ADK: variants seen among roughly 807,000 people sequenced by gnomAD.
The protein encoded by ADK is N6,N6-dimethyladenosine kinase.
Under a neutral mutation model 44.7 loss-of-function variants are expected in ADK, and 24 were observed. The ratio of observed to expected loss-of-function variants is 0.54; its 90% CI spans 0.39 to 0.76. ADK has a LOEUF of 0.76. Among genes scored for constraint, ADK ranks in the 30% least tolerant of loss-of-function variants. The pLI, the probability that ADK is intolerant of heterozygous loss-of-function variation, is 0.00. For missense variants in ADK, 321 were observed against 425.1 expected (o/e 0.76, Z 2.15); for synonymous variants, 128 against 142.6 (o/e 0.90, Z 0.73).
chr10:74,624,464 C>T (rs1172456389), intron 9 of ADK, among the ~76,000 whole-genome samples: 2 of 152,044 alleles, frequency 1.3e-5, no homozygotes, highest in African/African-American at 2.4e-5. Context: ...TAATTTGGCA[C>T]TTAGCCATCT....
At chr10:74,311,499 A>C (rs1840431006) in intron 3 of ADK, among the ~76,000 whole-genome samples, 1 of 152,236 alleles carries the variant, frequency 6.6e-6, no homozygotes, top group African/African-American at 2.4e-5. Flanking sequence ...ATATTATGCT[A>C]GAGCTTGTAG....
chr10:74,254,239 CTCT>C (rs1407949613), intron 3 of ADK, among the ~76,000 whole-genome samples: 1 of 152,090 alleles, frequency 6.6e-6, no homozygotes, highest in Non-Finnish European at 1.5e-5. Context: ...TAAAGATATG[CTCT>C]TCTTTTTGAA....
chr10:74,355,810 G>A (rs554023061), intron 4 of ADK, among the ~76,000 whole-genome samples: 2 of 151,834 alleles, frequency 1.3e-5, no homozygotes, highest in South Asian at 2.1e-4. Context: ...GTGTTTGTTG[G>A]TAAACATTAG....
intron 7 of ADK, among the ~76,000 whole-genome samples, chr10:74,563,071 G>T (rs1378445477): frequency 1.3e-5 from 2 of 151,986 alleles, no homozygotes; most frequent in Non-Finnish European, 2.9e-5. Context: ...TTTTTTTAAA[G>T]ATGACATCCC....
At chr10:74,576,786 A>G (rs1362622929) in intron 7 of ADK, among the ~76,000 whole-genome samples, 1 of 152,038 alleles carries the variant, frequency 6.6e-6, no homozygotes, top group Admixed American at 6.6e-5. Flanking sequence ...TTCAATTTCC[A>G]TTGTGTTGTT....
intron 7 of ADK, among the ~76,000 whole-genome samples, chr10:74,573,225 A>G (rs1851038200): frequency 6.6e-6 from 1 of 152,178 alleles, no homozygotes; most frequent in Non-Finnish European, 1.5e-5. Flanking sequence ...TCTAACAGAC[A>G]GGACCCTCAG....
At chr10:74,341,813 A>G (rs368796477) in intron 4 of ADK, among the ~76,000 whole-genome samples, 162 of 152,296 alleles carry the variant, frequency 1.1e-3, no homozygotes, top group Middle Eastern at 3.4e-3. Flanking sequence ...TAGTACAGCA[A>G]TATGTAATTC....
rs12252558 is a variant in ADK, at chr10:74,200,688, A to T, written c.66-76A>T. ...TTTTCAGGTTGAAATGAAGATAGTT[A>T]TTTTTATTTTGTGTACCTTTTACAT... is the stretch of plus-strand genomic sequence containing the variant. On this transcript the variant is annotated intron_variant, in intron 1 of 10. Transcript: ENST00000539909. 12,137 of 967,422 alleles carry T rather than the reference A, an allele frequency of 0.013. 990 individuals carry two copies. The African/African-American group carries it at 0.17, about 14-fold the overall frequency. 59.9% of individuals were successfully genotyped at this position (967,422 alleles called of 1,614,324 possible).
intron 3 of ADK, among the ~76,000 whole-genome samples, chr10:74,312,003 TA>T (rs1345207777): frequency 1.3e-5 from 2 of 151,860 alleles, no homozygotes; most frequent in African/African-American, 4.8e-5. Flanking sequence ...CCATCTCTAC[TA>T]AAAATAGAAA....
intron 9 of ADK, among the ~76,000 whole-genome samples, chr10:74,635,139 C>T (rs1853581604): frequency 6.6e-6 from 1 of 152,182 alleles, no homozygotes. Context: ...ATTTGGGAAG[C>T]CCTGTGAACC....
At chr10:74,457,628 C>T (rs752048417) in intron 6 of ADK, among the ~76,000 whole-genome samples, 6 of 152,166 alleles carry the variant, frequency 3.9e-5, no homozygotes, top group African/African-American at 1.4e-4. Context: ...AAATGCCCAT[C>T]AGTGATAGAC....
chr10:74,573,878 G>A (rs902259070), intron 7 of ADK, among the ~76,000 whole-genome samples: 1 of 152,210 alleles, frequency 6.6e-6, no homozygotes, highest in Non-Finnish European at 1.5e-5. Context: ...TATTGAGGTG[G>A]GAATGACCCG....
At chr10:74,247,774 G>A (rs191377291) in intron 3 of ADK, among the ~76,000 whole-genome samples, 209 of 152,190 alleles carry the variant, frequency 1.4e-3, no homozygotes, top group South Asian at 8.3e-4. Context: ...ATAATGTTGA[G>A]GGCAAAGAAA....
chr10:74,235,259 A>T lies in ADK; in HGVS notation c.194+10668A>T, dbSNP rs146062551. ...CAACAGGTAGAAAGAGCAAAGAGAA[A>T]ATCTTAGCAAGATCCAGAAATTTAG... On this transcript the variant is annotated intron_variant, in intron 3 of 10. Transcript: ENST00000539909. 1.5e-3 allele frequency among the ~76,000 whole-genome samples: 232 copies of T among 152,168 alleles called. 1 individual carries two copies. The highest frequency in any genetic ancestry group is 5.3e-3 in the African/African-American group (220 of 41,520).
chr10:74,475,847 G>T (rs901486734), intron 6 of ADK, among the ~76,000 whole-genome samples: 16 of 151,882 alleles, frequency 1.1e-4, no homozygotes, highest in Non-Finnish European at 1.5e-5. Context: ...AGGGAAGGTA[G>T]GTGGGAAGGT....
chr10:74,528,731 G>A (rs1205530517), intron 7 of ADK, among the ~76,000 whole-genome samples: 2 of 151,972 alleles, frequency 1.3e-5, no homozygotes, highest in African/African-American at 4.8e-5. Flanking sequence ...ACATTTATTC[G>A]AAGAAGATAT....
intron 6 of ADK, among the ~76,000 whole-genome samples, chr10:74,435,007 A>G (rs181342752): frequency 1.3e-5 from 2 of 152,334 alleles, no homozygotes; most frequent in African/African-American, 4.8e-5. Flanking sequence ...AGGATAAAAA[A>G]TAACTTGGCC....
chr10:74,467,876 A>C (rs1199988519), intron 6 of ADK, among the ~76,000 whole-genome samples: 5 of 152,188 alleles, frequency 3.3e-5, no homozygotes, highest in African/African-American at 1.2e-4. Flanking sequence ...TATTTTAATA[A>C]ACATTTTTAT....
At chr10:74,202,263 A>G (rs189952250) in intron 2 of ADK, among the ~76,000 whole-genome samples, 38 of 152,298 alleles carry the variant, frequency 2.5e-4, no homozygotes, top group African/African-American at 9.1e-4. Flanking sequence ...AATGCTTTCA[A>G]GGTTCATCCA....
Sources: gnomAD v4.1 joint callset for allele counts (sites outside exome capture counted in the v4.1 genomes callset) on GRCh38, gnomAD v4.1.1 for gene constraint, MANE v1.5 for transcripts, NCBI Gene and HGNC (gene_info 2026-07-23, HGNC 2026-07-21) for gene names.